CLTCL1: variants seen among roughly 807,000 people sequenced by gnomAD.
CLTCL1 encodes clathrin heavy chain 2.
In CLTCL1, 159 loss-of-function variants were observed where a neutral mutation model predicts 190.0. That is an observed-to-expected ratio of 0.84 (90% CI 0.74 to 0.95). The LOEUF is 0.95. Ranked by LOEUF, CLTCL1 falls within the 40% of genes least tolerant of loss-of-function variation. The pLI is 0.00. For synonymous variants in CLTCL1, 752 were observed against 769.6 expected (o/e 0.98, Z 0.38); for missense variants, 1,878 against 2,033.4 (o/e 0.92, Z 1.47).
rs563429376 is a variant in CLTCL1 at position 19,224,129 on chromosome 22, C to G, written c.2129-75G>C. The G allele has an allele frequency of 1.5e-4, 215 of 1,477,732 alleles. 2 individuals carry two copies. In the Admixed American group the frequency reaches 3.9e-3, roughly 26 times the overall value. 91.5% of individuals were successfully genotyped at this position (1,477,732 alleles called of 1,614,324 possible). A position where few individuals can be genotyped will look rare whatever the true frequency, so the allele number is the denominator to read the frequency against. On this transcript the variant is annotated intron_variant, in intron 13 of 32. Coordinates refer to ENST00000427926, the MANE Select transcript of CLTCL1 (RefSeq NM_007098.4). ...CCTCCGTAGCTGCTGCCCACCTTCCCTCGATGACCCTGCTCCACTCTCCAG... is the reference window on the plus strand; with the variant it reads ...CCTCCGTAGCTGCTGCCCACCTTCCGTCGATGACCCTGCTCCACTCTCCAG...
At chr22:19,281,346 T>G (rs1555986601) in intron 1 of CLTCL1, among the ~76,000 whole-genome samples, 1 of 151,630 alleles carries the variant, frequency 6.6e-6, no homozygotes, top group African/African-American at 2.4e-5. Flanking sequence ...TGGTGATGGC[T>G]GCATAACAAT....
At position 19,276,827 on chromosome 22, in the gene CLTCL1, G is replaced by A. The variant is rs536549242; in HGVS notation, c.43-997C>T. Reference sequence around the variant, plus strand: ...TGGGGCTTCAGGCGCCCGCCACCACGCCTGGCTATTTTTTGTATTTTTTTT... The same window carrying A: ...TGGGGCTTCAGGCGCCCGCCACCACACCTGGCTATTTTTTGTATTTTTTTT... On this transcript the variant is annotated intron_variant, in intron 1 of 32. Coordinates refer to ENST00000427926, the MANE Select transcript of CLTCL1 (RefSeq NM_007098.4). 2.6e-4 allele frequency among the ~76,000 whole-genome samples: 39 copies of A among 152,120 alleles called. No homozygotes were observed. The East Asian group carries it at 7.0e-3, about 27-fold the overall frequency.
At chr22:19,262,778 C>T (rs1006025355) in intron 2 of CLTCL1, among the ~76,000 whole-genome samples, 3 of 152,054 alleles carry the variant, frequency 2.0e-5, no homozygotes, top group Admixed American at 6.6e-5. Flanking sequence ...TGCCTGTAAT[C>T]CCAGCACTTT....
chr22:19,180,686 C>T, intron 31 of CLTCL1, 45 bp downstream of exon 31: 1 of 1,600,056 alleles, frequency 6.2e-7, no homozygotes, highest in Middle Eastern at 1.7e-4. Flanking sequence ...TTGACTCCCT[C>T]CCTGCTCCCT....
At chr22:19,290,380 A>G (rs905503755) in intron 1 of CLTCL1, among the ~76,000 whole-genome samples, 1 of 152,226 alleles carries the variant, frequency 6.6e-6, no homozygotes, top group Non-Finnish European at 1.5e-5. Flanking sequence ...TATAAAATAC[A>G]GTAGTCTAGT....
At chr22:19,253,090 G>T (rs973602111) in intron 3 of CLTCL1, among the ~76,000 whole-genome samples, 2 of 151,302 alleles carry the variant, frequency 1.3e-5, no homozygotes, top group African/African-American at 4.9e-5. Context: ...TAACATTCCA[G>T]TAAGTCCTTA....
intron 30 of CLTCL1, chr22:19,183,141 A>C (rs1326612641): frequency 1.6e-5 from 8 of 489,534 alleles, no homozygotes; most frequent in African/African-American, 1.6e-4. Flanking sequence ...ACAGCTGCCC[A>C]GCCAGAGTCT....
intron 3 of CLTCL1, among the ~76,000 whole-genome samples, chr22:19,245,418 T>C (rs894465825): frequency 2.6e-5 from 4 of 151,982 alleles, no homozygotes; most frequent in Non-Finnish European, 5.9e-5. Flanking sequence ...GATCTCAAAC[T>C]CCTGATCTCA....
intron 22 of CLTCL1, among the ~76,000 whole-genome samples, chr22:19,202,456 C>T (rs1555940352): frequency 6.6e-6 from 1 of 151,588 alleles, no homozygotes; most frequent in Admixed American, 6.6e-5. Flanking sequence ...CACGGCACCT[C>T]CCGCACCACC....
intron 1 of CLTCL1, among the ~76,000 whole-genome samples, chr22:19,285,344 G>GT (rs1278946151): frequency 1.3e-5 from 2 of 152,154 alleles, no homozygotes; most frequent in Non-Finnish European, 2.9e-5. Flanking sequence ...AGGGAGCTCT[G>GT]TAAATGAGGG....
At chr22:19,192,669 T>C (rs1197137858) in intron 26 of CLTCL1, among the ~76,000 whole-genome samples, 2 of 152,246 alleles carry the variant, frequency 1.3e-5, no homozygotes, top group Non-Finnish European at 2.9e-5. Flanking sequence ...TATGGCTTAC[T>C]GGCCACTTCA....
chr22:19,220,675 C>T (rs1330822246), intron 17 of CLTCL1, among the ~76,000 whole-genome samples: 4 of 152,210 alleles, frequency 2.6e-5, no homozygotes, highest in Admixed American at 1.3e-4. Flanking sequence ...GGCGTGCACA[C>T]GTGCTTGCGG....
rs374875733 is a variant in CLTCL1 at position 19,230,097 on chromosome 22, G to GTTTTTTTTTTTTTTTTTTTTT, written c.1645-123_1645-122insAAAAAAAAAAAAAAAAAAAAA. 8 of 530,318 alleles carry GTTTTTTTTTTTTTTTTTTTTT rather than the reference G, an allele frequency of 1.5e-5. 4 individuals carry two copies. The highest frequency in any genetic ancestry group is 5.4e-5 in the African/African-American group (2 of 37,250). 32.9% of individuals were successfully genotyped at this position (530,318 alleles called of 1,614,324 possible). On this transcript the variant is annotated intron_variant, in intron 10 of 32. Transcript: ENST00000427926. ...AATTCAGCAATTAGTTCCCTCCCTT[G>GTTTTTTTTTTTTTTTTTTTTT]GTTTTTTTTTTTTTTTTGAGATGGA...
intron 12 of CLTCL1, among the ~76,000 whole-genome samples, 178 bp downstream of exon 12, chr22:19,226,041 G>C (rs2085731637): frequency 6.6e-6 from 1 of 152,244 alleles, no homozygotes; most frequent in Non-Finnish European, 1.5e-5. Context: ...CTGCTGAGCA[G>C]ATAAACTTTG....
intron 22 of CLTCL1, among the ~76,000 whole-genome samples, chr22:19,204,197 G>C (rs2084982161): frequency 1.3e-5 from 2 of 152,134 alleles, no homozygotes; most frequent in South Asian, 4.1e-4. Flanking sequence ...GCAGAAGCCA[G>C]AGAAGCCAGA....
At position 19,180,741 on chromosome 22, in the gene CLTCL1, A is replaced by C. The variant is rs1555925444; in HGVS notation, c.4893T>G (p.Pro1631=). 47 of 1,613,618 alleles carry C rather than the reference A, an allele frequency of 2.9e-5. No individual in the cohort carries two copies. The highest frequency in any genetic ancestry group is 4.0e-5 in the Non-Finnish European group (47 of 1,179,746). ...KQEEHVTEPA[P]LVFDFDGHE ...ACAGGTGCCACCTACCAAACACGAGAGGGGCAGGCTCTGTCACATGCTCCT... is the reference window on the plus strand; with the variant it reads ...ACAGGTGCCACCTACCAAACACGAGCGGGGCAGGCTCTGTCACATGCTCCT... The change falls in exon 31 of 33, where the codon CCT becomes CCG. Residue 1631 remains proline (P), a synonymous_variant. Coordinates refer to ENST00000427926, the MANE Select transcript of CLTCL1 (RefSeq NM_007098.4).
At position 19,235,779 on chromosome 22, in the gene CLTCL1, T is replaced by C; in HGVS notation, c.886A>G (p.Asn296Asp). The C allele has an allele frequency of 6.2e-7, 1 of 1,613,954 alleles. No homozygotes were observed. Among genetic ancestry groups the C allele is most frequent in the Non-Finnish European group, 8.5e-7 (1 of 1,179,864 alleles). The stretch of plus-strand genomic sequence containing the variant: ...AATATTGTGTCAGCACTAATACGGT[T>C]CATGCAGATGCACACGCCAGACTCT... ...DLESGVCICM[N>D]RISADTIFVT... Residue 296 changes from asparagine to aspartate, a missense_variant, in exon 6 of 33, where the codon AAC (asparagine) becomes GAC (aspartate). Transcript: ENST00000427926.
intron 2 of CLTCL1, among the ~76,000 whole-genome samples, chr22:19,260,282 T>C (rs868942580): frequency 6.6e-6 from 1 of 152,184 alleles, no homozygotes; most frequent in Non-Finnish European, 1.5e-5. Flanking sequence ...AGATCATTGA[T>C]GAACAAATTT....
chr22:19,229,740 A>AAGCCC, intron 11 of CLTCL1, 98 bp downstream of exon 11: 1 of 1,230,586 alleles, frequency 8.1e-7, no homozygotes. Context: ...CATCTGGCAC[A>AAGCCC]AGCCCAGCCC....
Sources: gnomAD v4.1 joint callset for allele counts (sites outside exome capture counted in the v4.1 genomes callset) on GRCh38, gnomAD v4.1.1 for gene constraint, MANE v1.5 for transcripts, NCBI Gene and HGNC (gene_info 2026-07-23, HGNC 2026-07-21) for gene names.